The following CSNK2A2 variants were observed in gnomAD, a reference collection of about 807,000 sequenced individuals.
CSNK2A2 encodes casein kinase 2 alpha 2.
In CSNK2A2, 8 loss-of-function variants were observed where a neutral mutation model predicts 54.0. The observed-to-expected ratio is 0.15, with a 90% confidence interval of 0.09 to 0.27. The LOEUF (loss-of-function observed/expected upper bound fraction) is 0.27, where lower values mean the gene tolerates loss of function less well. Among genes scored for constraint, CSNK2A2 ranks in the 10% least tolerant of loss-of-function variants. The pLI, the probability that CSNK2A2 is intolerant of heterozygous loss-of-function variation, is 1.00. For synonymous variants in CSNK2A2, 141 were observed against 153.9 expected (o/e 0.92, Z 0.62); for missense variants, 242 against 439.4 (o/e 0.55, Z 4.02).
intron 2 of CSNK2A2, among the ~76,000 whole-genome samples, chr16:58,191,816 T>C (rs1236845736): frequency 1.3e-5 from 2 of 152,230 alleles, no homozygotes; most frequent in Non-Finnish European, 2.9e-5. Context: ...TTATTACTAC[T>C]ATACTTTATT....
At chr16:58,188,559 G>C (rs1463936693) in intron 2 of CSNK2A2, among the ~76,000 whole-genome samples, 6 of 152,134 alleles carry the variant, frequency 3.9e-5, no homozygotes, top group Non-Finnish European at 8.8e-5. Flanking sequence ...ATGTAATCTG[G>C]GATTTTCCTT....
At chr16:58,182,416 G>A (rs568201852) in intron 4 of CSNK2A2, among the ~76,000 whole-genome samples, 84 of 142,474 alleles carry the variant, frequency 5.9e-4, no homozygotes, top group Non-Finnish European at 9.8e-4. Flanking sequence ...CTAGCCAGGC[G>A]TGGTGGTGCA....
At chr16:58,196,059 G>C (rs1185807584) in intron 2 of CSNK2A2, among the ~76,000 whole-genome samples, 1 of 152,160 alleles carries the variant, frequency 6.6e-6, no homozygotes, top group African/African-American at 2.4e-5. Context: ...TTTCTTTCTG[G>C]AATAACATAC....
intron 5 of CSNK2A2, among the ~76,000 whole-genome samples, chr16:58,170,909 A>G (rs978198634): frequency 6.6e-6 from 1 of 152,054 alleles, no homozygotes; most frequent in Non-Finnish European, 1.5e-5. Flanking sequence ...CAAATTCAGG[A>G]CCTTTGGCTA....
rs1261137669 is a variant in CSNK2A2 at position 58,171,979 on chromosome 16, A to ATATT, written c.429+2471_429+2472insAATA. On this transcript the variant is annotated intron_variant, in intron 5 of 11. Transcript: ENST00000262506. ...CATGCATATATATATATATATATAT[A>ATATT]TTTTTTTTTTTTTTTTTTTTTTGGT... Among the ~76,000 whole-genome samples, 33 of 66,184 alleles carry ATATT rather than the reference A, an allele frequency of 5.0e-4. 1 individual carries two copies. The East Asian group carries it at 5.6e-3, about 11-fold the overall frequency. The allele number at this position is 66,184 out of a possible 152,430, so 43.4% of individuals were successfully genotyped here.
At chr16:58,188,812 A>ATG (rs1962257490) in intron 2 of CSNK2A2, among the ~76,000 whole-genome samples, 1 of 152,218 alleles carries the variant, frequency 6.6e-6, no homozygotes, top group East Asian at 1.9e-4. Flanking sequence ...ATGTACACAA[A>ATG]TGTGTGTGTA....
In CSNK2A2 at chr16:58,197,486, G is replaced by A. The variant is rs906650236; in HGVS notation, c.104+147C>T. ...AAAGGGGAGGGAAGAGGAAGACGAG[G>A]ACATGTGCGAGAGCGGGACCTCTGC... is the stretch of plus-strand genomic sequence containing the variant. On this transcript the variant is annotated intron_variant, in intron 1 of 11. Transcript: ENST00000262506. The surrounding 1 kb of genome is among the most constrained non-coding windows in gnomAD (Gnocchi z 4.0). 9 of 461,712 alleles carry A rather than the reference G, an allele frequency of 1.9e-5. No individual in the cohort carries two copies. The highest frequency in any genetic ancestry group is 2.7e-5 in the Non-Finnish European group (7 of 255,170). The allele number at this position is 461,712 out of a possible 1,614,324, so 28.6% of individuals were successfully genotyped here.
At chr16:58,166,768 G>T in intron 8 of CSNK2A2, 84 bp from the exon 9 acceptor site, 1 of 931,636 alleles carries the variant, frequency 1.1e-6, no homozygotes, top group South Asian at 1.4e-5. Flanking sequence ...GGAATCAGAA[G>T]ACTTCCACAC....
intron 4 of CSNK2A2, among the ~76,000 whole-genome samples, chr16:58,183,449 T>C (rs1402112291): frequency 6.6e-6 from 1 of 151,890 alleles, no homozygotes; most frequent in East Asian, 1.9e-4. Flanking sequence ...GATACCAACA[T>C]CTTTTAACTG....
In CSNK2A2 at chr16:58,184,276, T is replaced by C. The variant is rs1305423634; in HGVS notation, c.353A>G (p.Asn118Ser). 2.5e-6 allele frequency: 4 copies of C among 1,604,002 alleles called. No homozygotes were observed. The highest frequency in any genetic ancestry group is 1.3e-5 in the African/African-American group (1 of 74,594). The change falls in exon 4 of 12, where the codon AAT becomes AGT. Residue 118 changes from asparagine to serine, a missense_variant. Physicochemically the swap from Asn to Ser is conservative, Grantham distance 46. Transcript: ENST00000262506. Reference sequence around the variant, plus strand: ...CATACGCACCTTAAAATCTGTATTATTGATATATTCAAATACCAAAGCTGG... The same window carrying C: ...CATACGCACCTTAAAATCTGTATTACTGATATATTCAAATACCAAAGCTGG... ...KTPALVFEYI[N>S]NTDFKQLYQI...
intron 4 of CSNK2A2, among the ~76,000 whole-genome samples, chr16:58,178,577 C>T (rs764358872): frequency 9.9e-5 from 15 of 152,174 alleles, no homozygotes; most frequent in Admixed American, 2.0e-4. Flanking sequence ...CCACCGCACC[C>T]GGCCTGAGAC....
At chr16:58,190,445 AG>A (rs1567473123) in intron 2 of CSNK2A2, among the ~76,000 whole-genome samples, 1 of 152,216 alleles carries the variant, frequency 6.6e-6, no homozygotes, top group East Asian at 1.9e-4. Context: ...CAGAGTAAAA[AG>A]AAAGTTCAGC....
At chr16:58,168,126 T>C (rs913194808) in intron 6 of CSNK2A2, among the ~76,000 whole-genome samples, 6 of 152,156 alleles carry the variant, frequency 3.9e-5, no homozygotes, top group Admixed American at 2.6e-4. Context: ...CTTTTCGTTA[T>C]AAGCTCCAGG....
Position 58,196,705 on chromosome 16 carries a change from T to C in CSNK2A2, c.216+28A>G, listed in dbSNP as rs761311621. ...AACTTTTGCCCTGTGGGGAGGAAAA[T>C]GTTACATACCACTCATAGGACACTC... On this transcript the variant is annotated intron_variant, in intron 2 of 11. Transcript: ENST00000262506. 6 of 1,471,416 alleles carry C rather than the reference T, an allele frequency of 4.1e-6. No individual in the cohort carries two copies. In the African/African-American group the frequency reaches 5.6e-5, roughly 14 times the overall value. 91.1% of individuals were successfully genotyped at this position (1,471,416 alleles called of 1,614,324 possible).
intron 11 of CSNK2A2, chr16:58,161,245 T>C (rs1449123287): frequency 6.6e-6 from 1 of 152,212 alleles, no homozygotes; most frequent in East Asian, 1.9e-4. Context: ...GATATAGCCA[T>C]CTGGATTTGG....
chr16:58,164,243 CT>C (rs990607251), intron 10 of CSNK2A2, 96 bp from the exon 11 acceptor site: 1 of 1,123,054 alleles, frequency 8.9e-7, no homozygotes, highest in African/African-American at 1.5e-5. Flanking sequence ...GAGAGACAGA[CT>C]GATGGGCAAG....
In CSNK2A2 at chr16:58,192,447, TA is replaced by T. The variant is rs35731721; in HGVS notation, c.216+4285del. 4.5e-3 allele frequency among the ~76,000 whole-genome samples: 639 copies of T among 142,124 alleles called. 1 individual carries two copies. Among genetic ancestry groups the T allele is most frequent in the African/African-American group, 8.6e-3 (337 of 39,006 alleles). 93.2% of individuals were successfully genotyped at this position (142,124 alleles called of 152,430 possible). A position where few individuals can be genotyped will look rare whatever the true frequency, so the allele number is the denominator to read the frequency against. On this transcript the variant is annotated intron_variant, in intron 2 of 11. Coordinates refer to ENST00000262506, the MANE Select transcript of CSNK2A2 (RefSeq NM_001896.4). Reference sequence around the variant, plus strand: ...TGAGACTTGGAGGAACTCTATGGGTTAAAAAAAAAAAAAACCATAAAAACAC... The same window carrying T: ...TGAGACTTGGAGGAACTCTATGGGTTAAAAAAAAAAAAACCATAAAAACAC...
intron 2 of CSNK2A2, 134 bp from the exon 3 acceptor site, chr16:58,186,990 T>C (rs1962210188): frequency 1.5e-6 from 1 of 670,030 alleles, no homozygotes; most frequent in Non-Finnish European, 2.4e-6. Flanking sequence ...TGTGCCTAAA[T>C]TTGAAAAAAC....
intron 4 of CSNK2A2, among the ~76,000 whole-genome samples, chr16:58,183,599 A>C (rs968217683): frequency 1.3e-5 from 2 of 152,138 alleles, no homozygotes; most frequent in Admixed American, 1.3e-4. Flanking sequence ...TGGTTTTTAA[A>C]TTACGTTCTA....
Sources: allele counts gnomAD v4.1 joint callset (sites outside exome capture counted in the v4.1 genomes callset), GRCh38; gene constraint gnomAD v4.1.1; non-coding constraint Gnocchi (gnomAD v3.1); transcripts MANE v1.5; gene names NCBI Gene and HGNC (gene_info 2026-07-23, HGNC 2026-07-21).